The following NR3C1 variants were observed in gnomAD, a reference collection of about 807,000 sequenced individuals.
The protein encoded by NR3C1 is glucocorticoid receptor.
Under a neutral mutation model 74.0 loss-of-function variants are expected in NR3C1, and 14 were observed. The ratio of observed to expected loss-of-function variants is 0.19; its 90% confidence interval spans 0.12 to 0.30. NR3C1 has a LOEUF of 0.30. NR3C1 is among the 10% of genes least tolerant of loss of function. NR3C1 has a pLI of 1.00. For synonymous variants in NR3C1, 308 were observed against 332.5 expected (o/e 0.93, Z 0.80); for missense variants, 695 against 909.8 (o/e 0.76, Z 3.04).
chr5:143,299,841 T>C (rs1186818165), intron 5 of NR3C1, among the ~76,000 whole-genome samples: 1 of 152,192 alleles, frequency 6.6e-6, no homozygotes, highest in African/African-American at 2.4e-5. Flanking sequence ...TCTTTCCCCC[T>C]TAATAAAACA....
chr5:143,341,368 A>G (rs1216685212), intron 2 of NR3C1, among the ~76,000 whole-genome samples: 1 of 152,248 alleles, frequency 6.6e-6, no homozygotes, highest in Non-Finnish European at 1.5e-5. Flanking sequence ...TAGCAAAAGG[A>G]GACATTCTAT....
At chr5:143,343,844 A>G (rs1320154227) in intron 2 of NR3C1, among the ~76,000 whole-genome samples, 1 of 152,248 alleles carries the variant, frequency 6.6e-6, no homozygotes, top group Non-Finnish European at 1.5e-5. Context: ...CATGACCTCT[A>G]TCACTATGCT....
chr5:143,337,803 CTGAGTTATATTG>C (rs1827433417), intron 2 of NR3C1, among the ~76,000 whole-genome samples: 1 of 151,990 alleles, frequency 6.6e-6, no homozygotes, highest in African/African-American at 2.4e-5. Context: ...AATATACAAA[CTGAGTTATATTG>C]TTTAAGGATG....
rs1817861148 is a variant in NR3C1, at chr5:143,298,919, C to A, written c.1748-107G>T. The A allele has an allele frequency of 4.5e-6, 5 of 1,115,066 alleles. 1 individual carries two copies. Among genetic ancestry groups the A allele is most frequent in the Non-Finnish European group, 6.6e-6 (5 of 759,132 alleles). 69.1% of individuals were successfully genotyped at this position (1,115,066 alleles called of 1,614,324 possible). ...AATTAGCCCTGTCAAAACAAGGGCA[C>A]CCCTAACAGAAAATGGAAATTAAAT... On this transcript the variant is annotated intron_variant, in intron 5 of 8. Coordinates refer to ENST00000394464, the MANE Select transcript of NR3C1 (RefSeq NM_000176.3).
chr5:143,358,246 C>T (rs1381846164), intron 2 of NR3C1, among the ~76,000 whole-genome samples: 2 of 152,246 alleles, frequency 1.3e-5, no homozygotes, highest in South Asian at 2.1e-4. Context: ...CAGTGAGACC[C>T]ATGTTAGCTC....
rs150469462 is a variant in NR3C1 at position 143,389,478 on chromosome 5, G to C, written c.1184+10178C>G. On this transcript the variant is annotated intron_variant, in intron 2 of 8. Transcript: ENST00000394464. Reference sequence around the variant, plus strand: ...AAAAATCAAATTTAGCCAGGCACCAGAATTGAAGTTTAGAATTTTCATTTT... The same window carrying C: ...AAAAATCAAATTTAGCCAGGCACCACAATTGAAGTTTAGAATTTTCATTTT... 8.7e-4 allele frequency among the ~76,000 whole-genome samples: 132 copies of C among 152,282 alleles called. 1 individual carries two copies. Among genetic ancestry groups the C allele is most frequent in the African/African-American group, 2.9e-3 (121 of 41,568 alleles).
intron 2 of NR3C1, among the ~76,000 whole-genome samples, chr5:143,323,479 C>A (rs1171748556): frequency 6.6e-6 from 1 of 152,084 alleles, no homozygotes; most frequent in Non-Finnish European, 1.5e-5. Context: ...GCACCCCCAC[C>A]CCCGGGTCCC....
At chr5:143,378,329 GT>G (rs1835588704) in intron 2 of NR3C1, among the ~76,000 whole-genome samples, 1 of 152,126 alleles carries the variant, frequency 6.6e-6, no homozygotes, top group Non-Finnish European at 1.5e-5. Context: ...AAGGCTGGCA[GT>G]TCAACTTAAA....
intron 1 of NR3C1, among the ~76,000 whole-genome samples, chr5:143,414,000 GA>G (rs1454573752): frequency 6.6e-6 from 1 of 152,156 alleles, no homozygotes; most frequent in Non-Finnish European, 1.5e-5. Flanking sequence ...CATTTTAAGA[GA>G]ATAGACATGA....
chr5:143,386,797 G>T (rs984501151), intron 2 of NR3C1, among the ~76,000 whole-genome samples: 8 of 152,194 alleles, frequency 5.3e-5, no homozygotes, highest in Non-Finnish European at 1.2e-4. Flanking sequence ...TCCCTATAAT[G>T]CTCACTTACA....
chr5:143,369,134 T>C (rs1223032262), intron 2 of NR3C1, among the ~76,000 whole-genome samples: 1 of 152,222 alleles, frequency 6.6e-6, no homozygotes, highest in African/African-American at 2.4e-5. Flanking sequence ...TGTTCCAACA[T>C]GAGTTTTGGA....
chr5:143,349,748 G>A (rs1829918799), intron 2 of NR3C1, among the ~76,000 whole-genome samples: 1 of 152,136 alleles, frequency 6.6e-6, no homozygotes, highest in African/African-American at 2.4e-5. Flanking sequence ...GTATACCACA[G>A]TGAAAAACAC....
intron 1 of NR3C1, among the ~76,000 whole-genome samples, chr5:143,432,834 C>T (rs565354497): frequency 1.3e-5 from 2 of 152,094 alleles, no homozygotes; most frequent in Admixed American, 1.3e-4. Flanking sequence ...AGAGGCTCCT[C>T]CCACCGGGAT....
chr5:143,422,757 T>A (rs1294139148), intron 1 of NR3C1, among the ~76,000 whole-genome samples: 1 of 152,228 alleles, frequency 6.6e-6, no homozygotes, highest in African/African-American at 2.4e-5. Flanking sequence ...CTATTGTTTA[T>A]AACCCACGCA....
exon 1 of NR3C1, chr5:143,434,545 C>T (rs891380483): frequency 2.0e-6 from 2 of 985,290 alleles, no homozygotes; most frequent in African/African-American, 3.5e-5. Context: ...CCTTCTCAGA[C>T]ACTTTAATGA....
intron 2 of NR3C1, among the ~76,000 whole-genome samples, chr5:143,348,791 A>C (rs1181015710): frequency 6.6e-6 from 1 of 152,160 alleles, no homozygotes; most frequent in Non-Finnish European, 1.5e-5. Context: ...ATATATATTA[A>C]GTATGGTATC....
chr5:143,349,767 A>G (rs1829921484), intron 2 of NR3C1, among the ~76,000 whole-genome samples: 2 of 152,112 alleles, frequency 1.3e-5, no homozygotes. Flanking sequence ...ACAAACATGA[A>G]CCTTTGCTCT....
chr5:143,307,405 A>G (rs963280184), intron 4 of NR3C1, among the ~76,000 whole-genome samples: 10 of 152,330 alleles, frequency 6.6e-5, no homozygotes, highest in African/African-American at 2.4e-4. Flanking sequence ...AGCCTAGTCC[A>G]TCAAAATCAT....
intron 2 of NR3C1, among the ~76,000 whole-genome samples, chr5:143,334,803 G>C (rs1178644888): frequency 1.3e-5 from 2 of 152,022 alleles, no homozygotes; most frequent in Admixed American, 1.3e-4. Flanking sequence ...GAAGCAGTAA[G>C]TTTTCTTAGT....
Sources: allele counts gnomAD v4.1 joint callset (sites outside exome capture counted in the v4.1 genomes callset), GRCh38; gene constraint gnomAD v4.1.1; transcripts MANE v1.5; gene names NCBI Gene and HGNC (gene_info 2026-07-23, HGNC 2026-07-21).